The following SLC9C2 variants were observed in gnomAD, a reference collection of about 807,000 sequenced individuals.
The protein encoded by SLC9C2 is sodium/hydrogen exchanger 11.
SLC9C2 carries 75 observed loss-of-function variants against 140.2 expected under a neutral mutation model. The observed-to-expected ratio is 0.53, with a 90% CI of 0.44 to 0.65. SLC9C2 has a LOEUF of 0.65. Ranked by LOEUF, SLC9C2 falls within the 30% of genes least tolerant of loss-of-function variation. SLC9C2 has a pLI of 0.00. For synonymous variants in SLC9C2, 375 were observed against 420.9 expected (o/e 0.89, Z 1.34); for missense variants, 1,074 against 1,331.8 (o/e 0.81, Z 3.01).
chr1:173,520,140 G>A (rs750748724), intron 22 of SLC9C2, among the ~76,000 whole-genome samples: 10 of 152,068 alleles, frequency 6.6e-5, no homozygotes, highest in Non-Finnish European at 1.5e-4. Context: ...AGAGACTGTC[G>A]CCCAGGCTGG....
intron 9 of SLC9C2, among the ~76,000 whole-genome samples, chr1:173,559,634 C>A (rs1424321709): frequency 6.6e-6 from 1 of 152,236 alleles, no homozygotes; most frequent in Non-Finnish European, 1.5e-5. Flanking sequence ...GGTGACCCTT[C>A]TGGCAAACTC....
chr1:173,571,250 T>G (rs1664826634), intron 9 of SLC9C2, among the ~76,000 whole-genome samples: 1 of 152,194 alleles, frequency 6.6e-6, no homozygotes, highest in Non-Finnish European at 1.5e-5. Flanking sequence ...CTTCCAGGTG[T>G]TTTCTTAACT....
At chr1:173,525,047 T>G (rs960035965) in intron 19 of SLC9C2, 120 bp from the exon 20 acceptor site, 1 of 1,139,926 alleles carries the variant, frequency 8.8e-7, no homozygotes, top group Non-Finnish European at 1.2e-6. Context: ...TCTAGTTTCA[T>G]GCAGAACTCA....
intron 9 of SLC9C2, among the ~76,000 whole-genome samples, chr1:173,567,919 C>T (rs143652507): frequency 4.0e-4 from 61 of 152,156 alleles, no homozygotes; most frequent in Admixed American, 3.9e-3. Context: ...ATTGCATAAA[C>T]GAAGAAATAA....
intron 9 of SLC9C2, among the ~76,000 whole-genome samples, chr1:173,569,288 C>T (rs1664690785): frequency 6.6e-6 from 1 of 151,840 alleles, no homozygotes; most frequent in African/African-American, 2.4e-5. Context: ...TAATGCATTC[C>T]TCAGTATGTC....
rs112179401 is a variant in SLC9C2, at chr1:173,578,622, A to G, written c.803-1862T>C. On this transcript the variant is annotated intron_variant, in intron 7 of 27. Transcript: ENST00000367714. ...AAACCACAGAAATGTATTGTCTCAC[A>G]GTTCTGGAGCTAGAAGTCTAAGATC... 4.9e-3 allele frequency among the ~76,000 whole-genome samples: 752 copies of G among 152,306 alleles called. 7 individuals carry two copies. The highest frequency in any genetic ancestry group is 0.016 in the African/African-American group (671 of 41,558).
chr1:173,506,764 TAA>T, intron 25 of SLC9C2, 90 bp downstream of exon 25: 1 of 1,062,346 alleles, frequency 9.4e-7, no homozygotes, highest in Non-Finnish European at 1.4e-6. Flanking sequence ...CATTCCAGGT[TAA>T]ATTTCTTTTT....
intron 27 of SLC9C2, among the ~76,000 whole-genome samples, chr1:173,501,344 G>C (rs925557184): frequency 6.6e-6 from 1 of 152,082 alleles, no homozygotes; most frequent in Non-Finnish European, 1.5e-5. Context: ...TCAAAGGTGG[G>C]TTTAAGAAGA....
chr1:173,549,965 G>A (rs763065723), intron 11 of SLC9C2, among the ~76,000 whole-genome samples: 2 of 152,192 alleles, frequency 1.3e-5, no homozygotes, highest in Non-Finnish European at 2.9e-5. Context: ...TAAAAAAAGA[G>A]AGTCAACTGG....
At chr1:173,563,139 C>G (rs1178884404) in intron 9 of SLC9C2, among the ~76,000 whole-genome samples, 2 of 151,474 alleles carry the variant, frequency 1.3e-5, no homozygotes, top group African/African-American at 4.9e-5. Context: ...CCTGAAGAAA[C>G]AAGTATCTGA....
In SLC9C2 at chr1:173,576,192, A is replaced by G. The variant is rs749487681; in HGVS notation, c.902+469T>C. Among the ~76,000 whole-genome samples, 153 of 152,320 alleles carry G rather than the reference A, an allele frequency of 1.0e-3. 2 individuals are homozygous for G. The Middle Eastern group carries it at 0.014, about 14-fold the overall frequency. ...GAGAAAGGCTAACTTATTTCTCTGCACAGACAGGCAAATGATTTTCCCCCT... is the reference window on the plus strand; with the variant it reads ...GAGAAAGGCTAACTTATTTCTCTGCGCAGACAGGCAAATGATTTTCCCCCT... On this transcript the variant is annotated intron_variant, in intron 8 of 27. Coordinates refer to ENST00000367714, the MANE Select transcript of SLC9C2 (RefSeq NM_178527.4).
intron 9 of SLC9C2, among the ~76,000 whole-genome samples, chr1:173,562,451 T>G (rs1664180634): frequency 6.6e-6 from 1 of 152,212 alleles, no homozygotes; most frequent in South Asian, 2.1e-4. Context: ...GTGGAGCTTA[T>G]TAACAGATTA....
chr1:173,600,274 T>A (rs1666705921), intron 2 of SLC9C2, 57 bp from the exon 3 acceptor site: 3 of 1,256,640 alleles, frequency 2.4e-6, no homozygotes, highest in South Asian at 2.6e-5. Flanking sequence ...TTCTACCAAA[T>A]GTGTATCACT....
intron 10 of SLC9C2, among the ~76,000 whole-genome samples, chr1:173,556,945 A>T (rs1663751337): frequency 6.6e-6 from 1 of 151,948 alleles, no homozygotes; most frequent in Non-Finnish European, 1.5e-5. Flanking sequence ...AAAAAAAAGA[A>T]AAAAGAAAAG....
rs113442130 is a variant in SLC9C2 at position 173,560,376 on chromosome 1, A to G, written c.1047-2868T>C. 9.8e-3 allele frequency among the ~76,000 whole-genome samples: 1,488 copies of G among 152,324 alleles called. 22 individuals carry two copies. The highest frequency in any genetic ancestry group is 0.033 in the African/African-American group (1,358 of 41,576). On this transcript the variant is annotated intron_variant, in intron 9 of 27. Coordinates refer to ENST00000367714, the MANE Select transcript of SLC9C2 (RefSeq NM_178527.4). ...CCTGCATGGCTCTGCCTCTCACTGCACATTGCTCTGGGCCACAGGGACCTG... is the reference window on the plus strand; with the variant it reads ...CCTGCATGGCTCTGCCTCTCACTGCGCATTGCTCTGGGCCACAGGGACCTG...
intron 5 of SLC9C2, among the ~76,000 whole-genome samples, chr1:173,586,868 G>A (rs535300043): frequency 2.3e-4 from 35 of 152,198 alleles, no homozygotes; most frequent in East Asian, 9.6e-4. Flanking sequence ...AACACACACC[G>A]GGGCCTGTTG....
rs944768027 is a variant in SLC9C2, at chr1:173,500,907, A to T, written c.*187T>A. On this transcript the variant is annotated 3_prime_UTR_variant, in exon 28 of 28. Coordinates refer to ENST00000367714, the MANE Select transcript of SLC9C2 (RefSeq NM_178527.4). Reference sequence around the variant, plus strand: ...ATAATGCAACTACTTAAAATTAAGAAGTTTTACAGAAGTCCATCCATTGCT... The same window carrying T: ...ATAATGCAACTACTTAAAATTAAGATGTTTTACAGAAGTCCATCCATTGCT... 1.8e-5 allele frequency: 9 copies of T among 496,636 alleles called. No individual in the cohort carries two copies. Among genetic ancestry groups the T allele is most frequent in the Middle Eastern group, 3.6e-4 (1 of 2,802 alleles). The allele number at this position is 496,636 out of a possible 1,614,324, so 30.8% of individuals were successfully genotyped here.
At chr1:173,591,440 A>G (rs1666156737) in intron 4 of SLC9C2, among the ~76,000 whole-genome samples, 1 of 151,942 alleles carries the variant, frequency 6.6e-6, no homozygotes. Flanking sequence ...TAGCTCTTTG[A>G]GGAATTGCCA....
chr1:173,516,147 C>T (rs1660399960), intron 23 of SLC9C2, among the ~76,000 whole-genome samples: 1 of 152,158 alleles, frequency 6.6e-6, no homozygotes, highest in South Asian at 2.1e-4. Flanking sequence ...AGTTGGGTGG[C>T]ACAGGGAGCA....
Sources: gnomAD v4.1 joint callset for allele counts (sites outside exome capture counted in the v4.1 genomes callset) on GRCh38, gnomAD v4.1.1 for gene constraint, MANE v1.5 for transcripts, NCBI Gene and HGNC (gene_info 2026-07-23, HGNC 2026-07-21) for gene names.